The following MTUS2 variants were observed in gnomAD, a reference collection of about 807,000 sequenced individuals.
MTUS2 encodes microtubule associated scaffold protein 2, also known as microtubule-associated tumor suppressor candidate 2.
A neutral mutation model predicts 114.1 loss-of-function variants in MTUS2; 40 were observed. The ratio of observed to expected loss-of-function variants is 0.35; its 90% CI spans 0.27 to 0.46. The LOEUF is 0.46. Among genes scored for constraint, MTUS2 ranks in the 20% least tolerant of loss-of-function variants. MTUS2 has a pLI of 1.00. For synonymous variants in MTUS2, 688 were observed against 672.0 expected (o/e 1.02, Z -0.37); for missense variants, 1,679 against 1,705.4 (o/e 0.98, Z 0.27).
At chr13:29,032,552 G>A (rs1400098389) in intron 3 of MTUS2, among the ~76,000 whole-genome samples, 2 of 152,190 alleles carry the variant, frequency 1.3e-5, no homozygotes, top group Non-Finnish European at 2.9e-5. Context: ...GAGTGCAGAT[G>A]TAGAATGTTC....
chr13:29,081,614 C>T (rs1446418249), intron 4 of MTUS2, among the ~76,000 whole-genome samples: 3 of 141,832 alleles, frequency 2.1e-5, no homozygotes, highest in Non-Finnish European at 4.6e-5. Context: ...AAAGTAATGG[C>T]AAAAACTGCA....
intron 5 of MTUS2, among the ~76,000 whole-genome samples, chr13:29,230,163 G>A (rs1896269673): frequency 6.6e-6 from 1 of 152,122 alleles, no homozygotes; most frequent in South Asian, 2.1e-4. Context: ...GGAGAATGGA[G>A]TGAACCCAGG....
At chr13:29,119,067 A>G (rs1891202296) in intron 5 of MTUS2, among the ~76,000 whole-genome samples, 1 of 152,226 alleles carries the variant, frequency 6.6e-6, no homozygotes, top group African/African-American at 2.4e-5. Context: ...ATTGGAGGAC[A>G]TACAAGATAC....
intron 6 of MTUS2, among the ~76,000 whole-genome samples, chr13:29,309,441 G>T (rs1899646040): frequency 6.6e-6 from 1 of 152,136 alleles, no homozygotes; most frequent in Non-Finnish European, 1.5e-5. Flanking sequence ...TGGAGGATGG[G>T]GGGAGGGAAA....
chr13:28,873,694 A>T (rs1877758949), intron 2 of MTUS2, among the ~76,000 whole-genome samples: 1 of 152,232 alleles, frequency 6.6e-6, no homozygotes, highest in Non-Finnish European at 1.5e-5. Flanking sequence ...AATTTTGGTG[A>T]CAGTGATGTT....
chr13:28,823,773 G>T (rs1874075116), intron 1 of MTUS2, among the ~76,000 whole-genome samples: 1 of 152,182 alleles, frequency 6.6e-6, no homozygotes, highest in Non-Finnish European at 1.5e-5. Flanking sequence ...AAAGGAAAGA[G>T]GTTTAATTGA....
intron 1 of MTUS2, among the ~76,000 whole-genome samples, chr13:28,831,840 T>C (rs557030106): frequency 2.3e-3 from 343 of 152,066 alleles, no homozygotes; most frequent in African/African-American, 7.8e-3. Context: ...CACTGCAACC[T>C]CCGCCTCCTG....
intron 8 of MTUS2, among the ~76,000 whole-genome samples, chr13:29,416,976 TTA>T (rs1566188926): frequency 3.3e-5 from 5 of 152,174 alleles, no homozygotes; most frequent in African/African-American, 4.8e-5. Context: ...TTTTCTTATA[TTA>T]TAGTTTTAAG....
Position 28,904,810 on chromosome 13 carries a change from T to C in MTUS2, c.-243+64960T>C, listed in dbSNP as rs1209215880. 3.3e-5 allele frequency among the ~76,000 whole-genome samples: 5 copies of C among 152,266 alleles called. No homozygotes were observed. In the East Asian group the frequency reaches 9.6e-4, roughly 29 times the overall value. On this transcript the variant is annotated intron_variant, in intron 2 of 15. Coordinates refer to ENST00000612955, the MANE Select transcript of MTUS2 (RefSeq NM_001033602.4). The stretch of plus-strand genomic sequence containing the variant: ...GTGAAGCAAGTCATTGGTAGCTTGA[T>C]GGGGATGGCATTGAATCTATAAATT...
intron 5 of MTUS2, among the ~76,000 whole-genome samples, chr13:29,279,834 A>T (rs1459891688): frequency 6.6e-6 from 1 of 152,232 alleles, no homozygotes; most frequent in African/African-American, 2.4e-5. Context: ...ATGATGCCAG[A>T]TGCAAGAGGA....
At chr13:28,902,822 T>A (rs1879724734) in intron 2 of MTUS2, among the ~76,000 whole-genome samples, 1 of 152,166 alleles carries the variant, frequency 6.6e-6, no homozygotes, top group South Asian at 2.1e-4. Context: ...TAATAGTGGC[T>A]TCTTATTAAA....
At chr13:29,048,356 A>G (rs924745399) in intron 4 of MTUS2, among the ~76,000 whole-genome samples, 4 of 152,212 alleles carry the variant, frequency 2.6e-5, no homozygotes, top group Non-Finnish European at 5.9e-5. Context: ...GTCAGTTTCA[A>G]TTGATTGCAT....
At chr13:29,449,227 G>T (rs1006361011) in intron 9 of MTUS2, among the ~76,000 whole-genome samples, 3 of 152,048 alleles carry the variant, frequency 2.0e-5, no homozygotes, top group Non-Finnish European at 2.9e-5. Context: ...ATTAACGTAT[G>T]GTAGGAATAT....
chr13:29,419,445 G>A (rs1454171192), intron 8 of MTUS2, among the ~76,000 whole-genome samples: 3 of 152,178 alleles, frequency 2.0e-5, no homozygotes, highest in African/African-American at 4.8e-5. Context: ...TGGGGTTAGG[G>A]TGGCCACTTC....
At chr13:29,468,163 G>A (rs149242076) in intron 9 of MTUS2, among the ~76,000 whole-genome samples, 1 of 152,034 alleles carries the variant, frequency 6.6e-6, no homozygotes, top group Non-Finnish European at 1.5e-5. Flanking sequence ...AAATGGCCAA[G>A]TATTTATTAC....
chr13:29,043,016 G>A (rs774406312), intron 4 of MTUS2, among the ~76,000 whole-genome samples: 3 of 152,072 alleles, frequency 2.0e-5, no homozygotes, highest in Non-Finnish European at 4.4e-5. Context: ...TTTGGGTTTG[G>A]TTTGTTCTTG....
At chr13:29,189,801 G>A (rs1446709699) in intron 5 of MTUS2, among the ~76,000 whole-genome samples, 2 of 152,032 alleles carry the variant, frequency 1.3e-5, no homozygotes, top group Non-Finnish European at 2.9e-5. Flanking sequence ...TACTTGTTTT[G>A]TTTTTCTCCA....
At chr13:29,156,320 A>AATAC (rs1216407330) in intron 5 of MTUS2, among the ~76,000 whole-genome samples, 1 of 152,194 alleles carries the variant, frequency 6.6e-6, no homozygotes, top group Non-Finnish European at 1.5e-5. Flanking sequence ...GTGTCAGTAT[A>AATAC]GATCCAAACA....
chr13:29,475,683 A>G (rs893349193), intron 9 of MTUS2, among the ~76,000 whole-genome samples: 1 of 152,216 alleles, frequency 6.6e-6, no homozygotes, highest in Non-Finnish European at 1.5e-5. Context: ...TTTTAAAAAT[A>G]GAAAAAAGCT....
Sources: allele counts gnomAD v4.1 joint callset (sites outside exome capture counted in the v4.1 genomes callset), GRCh38; gene constraint gnomAD v4.1.1; transcripts MANE v1.5; gene names NCBI Gene and HGNC (gene_info 2026-07-23, HGNC 2026-07-21).